Variants in ALDH18A1 observed in about 807,000 individuals in gnomAD.
ALDH18A1 encodes the protein delta-1-pyrroline-5-carboxylate synthase.
A neutral mutation model predicts 88.8 loss-of-function variants in ALDH18A1; 44 were observed. That is an observed-to-expected ratio of 0.50 (90% CI 0.39 to 0.64). The LOEUF is 0.64. Among genes scored for constraint, ALDH18A1 ranks in the 30% least tolerant of loss-of-function variants. The pLI is 0.00. For synonymous variants in ALDH18A1, 331 were observed against 372.1 expected (o/e 0.89, Z 1.27); for missense variants, 782 against 1,009.5 (o/e 0.77, Z 3.05).
intron 10 of ALDH18A1, 72 bp from the exon 11 acceptor site, chr10:95,625,527 C>T: frequency 7.5e-7 from 1 of 1,334,020 alleles, no homozygotes; most frequent in Non-Finnish European, 1.1e-6. Context: ...AGTTTTTAAA[C>T]CTACTCTTCT....
intron 2 of ALDH18A1, among the ~76,000 whole-genome samples, chr10:95,645,576 A>G (rs1188865843): frequency 1.3e-5 from 2 of 152,236 alleles, no homozygotes; most frequent in Non-Finnish European, 2.9e-5. Flanking sequence ...CTTCACACAC[A>G]TATCTTAGAA....
At chr10:95,607,008 A>G in intron 17 of ALDH18A1, 65 bp from the exon 18 acceptor site, 1 of 1,530,510 alleles carries the variant, frequency 6.5e-7, no homozygotes, top group African/African-American at 1.4e-5. Context: ...CATGCCCCAG[A>G]CCCACCCTGC....
chr10:95,615,131 TG>T (rs1401944162), intron 13 of ALDH18A1, among the ~76,000 whole-genome samples: 1 of 152,088 alleles, frequency 6.6e-6, no homozygotes, highest in African/African-American at 2.4e-5. Flanking sequence ...GAGAGCAGCC[TG>T]GGCAACATGG....
chr10:95,654,896 C>T (rs2097915504), intron 1 of ALDH18A1, among the ~76,000 whole-genome samples: 1 of 151,938 alleles, frequency 6.6e-6, no homozygotes, highest in Non-Finnish European at 1.5e-5. Flanking sequence ...AATCAAATTC[C>T]AGTTCCACCT....
Position 95,628,426 on chromosome 10 carries a change from T to C in ALDH18A1, c.875A>G (p.Gln292Arg). The C allele has an allele frequency of 1.9e-6, 3 of 1,614,176 alleles. No homozygotes were observed. The highest frequency in any genetic ancestry group is 2.2e-5 in the South Asian group (2 of 91,084). Residue 292 changes from glutamine to arginine, a missense_variant, in exon 8 of 18, where the codon CAG becomes CGG. Transcript: ENST00000371224. ...KLIDIFYPGD[Q>R]QSVTFGTKSR... ...CTTGGTTCCAAATGTCACAGACTGC[T>C]GATCTCCGGGATAAAATATATCAAT...
Position 95,611,452 on chromosome 10 carries a change from A to G in ALDH18A1, c.1924-10T>C. 6.2e-7 allele frequency: 1 copy of G among 1,613,958 alleles called. No homozygotes were observed. The highest frequency in any genetic ancestry group is 8.5e-7 in the Non-Finnish European group (1 of 1,179,812). On this transcript the variant is annotated splice_polypyrimidine_tract_variant and intron_variant, in intron 15 of 17. Transcript: ENST00000371224. ...CTGCATGAATTTTTACCTGGAACAG[A>G]GGAAGTCCAGGGGCAACAACATAAA...
Position 95,621,090 on chromosome 10 carries a change from T to C in ALDH18A1, c.1408A>G (p.Thr470Ala). The stretch of plus-strand genomic sequence containing the variant: ...ACCAGCAGAACTCCAATTGGGACAG[T>C]CACTTGTTCCAGTTCCAAGTTTTTG... ...IAKNLELEQVTVPIGVLLVIF... is the reference protein window; with the variant it reads ...IAKNLELEQVAVPIGVLLVIF... Residue 470 changes from threonine to alanine, a missense_variant, in exon 12 of 18, where the codon ACT (threonine) becomes GCT (alanine). Physicochemically the swap from Thr to Ala is moderately conservative, Grantham distance 58. Transcript: ENST00000371224. The C allele has an allele frequency of 6.2e-7, 1 of 1,614,150 alleles. No individual in the cohort carries two copies. The highest frequency in any genetic ancestry group is 8.5e-7 in the Non-Finnish European group (1 of 1,180,036).
intron 11 of ALDH18A1, among the ~76,000 whole-genome samples, chr10:95,623,477 G>A (rs1419634031): frequency 2.6e-5 from 4 of 151,626 alleles, no homozygotes; most frequent in South Asian, 2.1e-4. Flanking sequence ...GCGCAATCTC[G>A]GCTCACTGCA....
intron 2 of ALDH18A1, among the ~76,000 whole-genome samples, chr10:95,644,128 G>A (rs557596204): frequency 6.6e-6 from 1 of 152,248 alleles, no homozygotes; most frequent in East Asian, 1.9e-4. Flanking sequence ...AGGCAACAGA[G>A]CAAGACTCCT....
intron 12 of ALDH18A1, chr10:95,616,828 A>G: frequency 1.5e-6 from 1 of 656,568 alleles, no homozygotes; most frequent in East Asian, 2.9e-5. Context: ...GAGGCTGATG[A>G]CTCCCCGAAG....
rs141192935 is a variant in ALDH18A1, at chr10:95,613,967, T to C, written c.1800A>G (p.Leu600=). The change falls in exon 14 of 18, where the codon CTA becomes CTG. Residue 600 remains leucine (L), a splice_region_variant and synonymous_variant. Coordinates refer to ENST00000371224, the MANE Select transcript of ALDH18A1 (RefSeq NM_002860.4). ...SEASVDKVTR[L]VRDSKCEYPA... The stretch of plus-strand genomic sequence containing the variant: ...AAGAGAAGACCCCATCCAGCTCACC[T>C]AGCCTGGTGACCTTATCAACACTGG... 4.8e-5 allele frequency: 78 copies of C among 1,614,216 alleles called. No homozygotes were observed. The highest frequency in any genetic ancestry group is 6.6e-5 in the Non-Finnish European group (78 of 1,180,036).
intron 17 of ALDH18A1, among the ~76,000 whole-genome samples, chr10:95,609,119 C>CAGGTGAT (rs2097828251): frequency 6.6e-6 from 1 of 152,210 alleles, no homozygotes; most frequent in South Asian, 2.1e-4. Flanking sequence ...AGGTGATCTG[C>CAGGTGAT]CCGCCTTGGC....
chr10:95,630,111 CT>C (rs1461185739), intron 7 of ALDH18A1, among the ~76,000 whole-genome samples: 1 of 81,504 alleles, frequency 1.2e-5, no homozygotes. Flanking sequence ...ATTTCTTCTT[CT>C]TTCCCCCCCC....
intron 9 of ALDH18A1, among the ~76,000 whole-genome samples, chr10:95,627,241 C>T (rs185525488): frequency 9.4e-5 from 14 of 148,714 alleles, no homozygotes; most frequent in East Asian, 1.9e-4. Context: ...ATATTTTAAC[C>T]GAGTGATTTT....
intron 10 of ALDH18A1, among the ~76,000 whole-genome samples, chr10:95,625,955 T>C (rs2097859805): frequency 6.6e-6 from 1 of 152,130 alleles, no homozygotes; most frequent in Non-Finnish European, 1.5e-5. Context: ...ATTTATTTAA[T>C]GCATTTAATC....
chr10:95,633,639 G>A lies in ALDH18A1; in HGVS notation c.569C>T (p.Thr190Ile). The A allele has an allele frequency of 6.2e-7, 1 of 1,613,870 alleles. No individual in the cohort carries two copies. The highest frequency in any genetic ancestry group is 8.5e-7 in the Non-Finnish European group (1 of 1,179,986). Reference protein sequence around the residue: ...YSICAAQILVTNLDFHDEQKR... With the variant: ...YSICAAQILVINLDFHDEQKR... ...CTGCTCATCATGGAAATCCAAATTG[G>A]TCACCAAAATCTAAAAGGATTAAAT... Residue 190 changes from threonine to isoleucine, a missense_variant, in exon 6 of 18, where the codon ACC becomes ATC. Thr to Ile is a moderately conservative substitution (Grantham distance 89). Around this residue, in one of 3 missense-constraint regions of ALDH18A1, gnomAD observed 132 missense variants for 255.5 expected, o/e 0.52. Coordinates refer to ENST00000371224, the MANE Select transcript of ALDH18A1 (RefSeq NM_002860.4).
chr10:95,621,282 T>G, intron 11 of ALDH18A1, 31 bp from the exon 12 acceptor site: 1 of 1,579,728 alleles, frequency 6.3e-7, no homozygotes, highest in Non-Finnish European at 8.6e-7. Flanking sequence ...TATGATAAAG[T>G]AGCAGACCTG....
intron 13 of ALDH18A1, among the ~76,000 whole-genome samples, chr10:95,616,052 TTAATAA>T (rs1024482351): frequency 9.9e-5 from 15 of 152,156 alleles, no homozygotes; most frequent in Admixed American, 9.2e-4. Flanking sequence ...AGTGATGACC[TTAATAA>T]TAATAGTGAT....
chr10:95,651,805 G>C (rs2097910843), intron 2 of ALDH18A1, among the ~76,000 whole-genome samples: 1 of 152,108 alleles, frequency 6.6e-6, no homozygotes, highest in Non-Finnish European at 1.5e-5. Context: ...GATTTGGTAG[G>C]GACATACATT....
Sources: allele counts gnomAD v4.1 joint callset (sites outside exome capture counted in the v4.1 genomes callset), GRCh38; gene constraint gnomAD v4.1.1; regional missense constraint gnomAD v4.1.1; transcripts MANE v1.5; gene names NCBI Gene and HGNC (gene_info 2026-07-23, HGNC 2026-07-21).